Variants in OSBPL2 observed in about 807,000 individuals in gnomAD.
OSBPL2 encodes the protein oxysterol binding protein like 2.
Under a neutral mutation model 58.4 loss-of-function variants are expected in OSBPL2, and 18 were observed. The observed-to-expected ratio is 0.31, with a 90% CI of 0.21 to 0.46. The LOEUF is 0.46. Among genes scored for constraint, OSBPL2 ranks in the 20% least tolerant of loss-of-function variants. The pLI, the probability that OSBPL2 is intolerant of heterozygous loss-of-function variation, is 1.00. For synonymous variants in OSBPL2, 221 were observed against 234.1 expected (o/e 0.94, Z 0.51); for missense variants, 461 against 616.5 (o/e 0.75, Z 2.67).
At chr20:62,268,049 A>ATTTTTTTTTT (rs149417240) in intron 4 of OSBPL2, among the ~76,000 whole-genome samples, 672 of 115,664 alleles carry the variant, frequency 5.8e-3, no homozygotes, top group Non-Finnish European at 8.2e-3. Flanking sequence ...TGCCCGGCTA[A>ATTTTTTTTTT]TTTTTTTTTT....
At chr20:62,290,060 C>T (rs189302789) in intron 12 of OSBPL2, among the ~76,000 whole-genome samples, 2 of 152,282 alleles carry the variant, frequency 1.3e-5, no homozygotes, top group South Asian at 2.1e-4. Context: ...GTCACTGGCA[C>T]GTGTGTGGCG....
At chr20:62,267,775 A>G (rs1223430310) in intron 4 of OSBPL2, among the ~76,000 whole-genome samples, 3 of 152,226 alleles carry the variant, frequency 2.0e-5, no homozygotes, top group Admixed American at 2.0e-4. Context: ...TACCTGTGGG[A>G]CCAGCTCTGC....
chr20:62,247,767 C>G (rs974505067), intron 1 of OSBPL2, among the ~76,000 whole-genome samples: 2 of 151,494 alleles, frequency 1.3e-5, no homozygotes, highest in African/African-American at 4.9e-5. Context: ...CAGGTTCAAG[C>G]TATTCTCCTG....
intron 4 of OSBPL2, among the ~76,000 whole-genome samples, chr20:62,268,793 C>T (rs750536040): frequency 7.2e-5 from 11 of 152,134 alleles, no homozygotes; most frequent in Non-Finnish European, 1.5e-4. Flanking sequence ...GGCAGTGGCT[C>T]ACGCCTGTAA....
chr20:62,268,268 G>A (rs1366566431), intron 4 of OSBPL2, among the ~76,000 whole-genome samples: 1 of 151,800 alleles, frequency 6.6e-6, no homozygotes, highest in East Asian at 1.9e-4. Context: ...AATGACATAG[G>A]TTCATTTGTT....
rs1416372098 is a variant in OSBPL2 at position 62,294,691 on chromosome 20, C to G, written c.*804C>G. On this transcript the variant is annotated 3_prime_UTR_variant, in exon 14 of 14. Transcript: ENST00000313733. ...TGTTGTCAGTGAGGCCTGGCTGTCA[C>G]CGCACACCGCGTCCGTGTCTCCAGG... 1.3e-5 allele frequency: 2 copies of G among 152,276 alleles called. No homozygotes were observed. The highest frequency in any genetic ancestry group is 2.9e-5 in the Non-Finnish European group (2 of 68,054). 9.4% of individuals were successfully genotyped at this position (152,276 alleles called of 1,614,324 possible).
intron 1 of OSBPL2, among the ~76,000 whole-genome samples, chr20:62,248,008 G>A (rs1321582024): frequency 2.0e-5 from 3 of 151,974 alleles, no homozygotes; most frequent in Non-Finnish European, 4.4e-5. Context: ...GTTAATAGTG[G>A]GAACGTTTTC....
Position 62,294,020 on chromosome 20 carries a change from G to A in OSBPL2, c.*133G>A. 1 of 1,172,036 alleles carries A rather than the reference G, an allele frequency of 8.5e-7. No individual in the cohort carries two copies. Among genetic ancestry groups the A allele is most frequent in the South Asian group, 1.6e-5 (1 of 61,582 alleles). 72.6% of individuals were successfully genotyped at this position (1,172,036 alleles called of 1,614,324 possible). ...AGTTCGCGGAGATAGCATCATCCCT[G>A]ATCAAGGATGTAATTCTAATTAACT... On this transcript the variant is annotated 3_prime_UTR_variant, in exon 14 of 14. Coordinates refer to ENST00000313733, the MANE Select transcript of OSBPL2 (RefSeq NM_144498.4).
At position 62,291,752 on chromosome 20, in the gene OSBPL2, A is replaced by G. The variant is rs1983526169; in HGVS notation, c.1299A>G (p.Ala433=). 1 of 1,613,552 alleles carries G rather than the reference A, an allele frequency of 6.2e-7. No individual in the cohort carries two copies. The highest frequency in any genetic ancestry group is 1.3e-5 in the African/African-American group (1 of 75,056). The change falls in exon 13 of 14, where the codon GCA becomes GCG. Residue 433 remains alanine, a synonymous_variant. Coordinates refer to ENST00000313733, the MANE Select transcript of OSBPL2 (RefSeq NM_144498.4). ...KERLEEKQRE[A]RRERAKEEAE... ...GGCTGGAGGAGAAGCAGAGAGAAGC[A>G]CGGAGGGAGCGGGCCAAGGAGGAGG... is the stretch of plus-strand genomic sequence containing the variant.
intron 1 of OSBPL2, among the ~76,000 whole-genome samples, chr20:62,255,766 A>G (rs1980882081): frequency 6.6e-6 from 1 of 152,180 alleles, no homozygotes. Context: ...CAGCCTCCCA[A>G]AGTGCTGGGA....
chr20:62,266,628 G>A (rs907263245), intron 4 of OSBPL2, among the ~76,000 whole-genome samples: 35 of 152,104 alleles, frequency 2.3e-4, no homozygotes, highest in African/African-American at 8.5e-4. Flanking sequence ...TTCTGGATCT[G>A]CAGTGACGGG....
chr20:62,246,136 T>C (rs149509921), intron 1 of OSBPL2, among the ~76,000 whole-genome samples: 2,355 of 152,364 alleles, frequency 0.015, 30 homozygotes, highest in Non-Finnish European at 0.023. Flanking sequence ...CTCTCGCTGC[T>C]GCCGCCGCCT....
rs1983289823 is a variant in OSBPL2 at position 62,288,581 on chromosome 20, T to TGGGAGGCTGTGGGTGCAGAGGCC, written c.1126-624_1126-602dup. On this transcript the variant is annotated intron_variant, in intron 11 of 13. Coordinates refer to ENST00000313733, the MANE Select transcript of OSBPL2 (RefSeq NM_144498.4). This position sits in a 1 kb window ranked among gnomAD's most constrained non-coding sequence, Gnocchi z 4.8. ...GGCCGGAGGCTGTGGGTGCAGAGGCTGGGAGGCTGTGGGTGCAGAGGCCGA... is the reference window on the plus strand; with the variant it reads ...GGCCGGAGGCTGTGGGTGCAGAGGCTGGGAGGCTGTGGGTGCAGAGGCCGGGAGGCTGTGGGTGCAGAGGCCGA... 2.0e-5 allele frequency among the ~76,000 whole-genome samples: 3 copies of TGGGAGGCTGTGGGTGCAGAGGCC among 146,786 alleles called. No homozygotes were observed. Among genetic ancestry groups the TGGGAGGCTGTGGGTGCAGAGGCC allele is most frequent in the Admixed American group, 6.7e-5 (1 of 14,830 alleles).
Position 62,294,437 on chromosome 20 carries a change from ATTTT to A in OSBPL2, c.*553_*556del. On this transcript the variant is annotated 3_prime_UTR_variant, in exon 14 of 14. Transcript: ENST00000313733. ...TGAGTGAAAAGTTGTCAGATTCTGT[ATTTT>A]TTAACAATCTTCAATAATGTAAAGA... 6.5e-6 allele frequency: 1 copy of A among 153,732 alleles called. No homozygotes were observed. Among genetic ancestry groups the A allele is most frequent in the East Asian group, 1.9e-4 (1 of 5,198 alleles). The allele number at this position is 153,732 out of a possible 1,614,324, so 9.5% of individuals were successfully genotyped here. A position where few individuals can be genotyped will look rare whatever the true frequency, so the allele number is the denominator to read the frequency against.
chr20:62,293,157 C>G lies in OSBPL2; in HGVS notation c.1341-628C>G, dbSNP rs1047075788. Among the ~76,000 whole-genome samples the G allele has an allele frequency of 5.3e-5, 8 of 150,166 alleles. No homozygotes were observed. The East Asian group carries it at 1.7e-3, about 31-fold the overall frequency. ...GAATTACGGGCGTGAGCCACCGCGC[C>G]CGGCCTGTTCATTGTTTTTTTAAAG... On this transcript the variant is annotated intron_variant, in intron 13 of 13. Transcript: ENST00000313733.
chr20:62,273,943 G>A (rs1422293043), intron 6 of OSBPL2, among the ~76,000 whole-genome samples: 3 of 152,154 alleles, frequency 2.0e-5, no homozygotes, highest in Non-Finnish European at 2.9e-5. Flanking sequence ...ACCAGACCAC[G>A]CCTCATCTCC....
chr20:62,263,681 G>A lies in OSBPL2; in HGVS notation c.248G>A (p.Cys83Tyr). The A allele has an allele frequency of 6.2e-7, 1 of 1,614,110 alleles. No individual in the cohort carries two copies. The highest frequency in any genetic ancestry group is 8.5e-7 in the Non-Finnish European group (1 of 1,179,976). The change falls in exon 4 of 14, where the codon TGT becomes TAT. Residue 83 changes from cysteine (C) to tyrosine (Y), a missense_variant. Cys to Tyr is a radical substitution (Grantham distance 194). Around this residue, in one of 5 missense-constraint regions of OSBPL2, gnomAD observed 38 missense variants for 74.2 expected, o/e 0.51. Coordinates refer to ENST00000313733, the MANE Select transcript of OSBPL2 (RefSeq NM_144498.4). ...DFSVWTILKKCVGLELSKITM... is the reference protein window; with the variant it reads ...DFSVWTILKKYVGLELSKITM... ...AGCGTGTGGACCATCCTGAAGAAGT[G>A]TGTTGGCCTGGTGAGTCCGGGGGCC...
intron 1 of OSBPL2, chr20:62,255,339 T>C (rs1347890957): frequency 6.6e-6 from 1 of 151,904 alleles, no homozygotes; most frequent in African/African-American, 2.4e-5. Context: ...CCTCAAGGGA[T>C]CCACCTCAAG....
chr20:62,264,314 AG>A (rs1222706763), intron 4 of OSBPL2, among the ~76,000 whole-genome samples: 2 of 152,136 alleles, frequency 1.3e-5, no homozygotes, highest in African/African-American at 4.8e-5. Flanking sequence ...TCAGGTGCTC[AG>A]GGTTTGGGAC....
Sources: allele counts gnomAD v4.1 joint callset (sites outside exome capture counted in the v4.1 genomes callset), GRCh38; gene constraint gnomAD v4.1.1; regional missense constraint gnomAD v4.1.1; non-coding constraint Gnocchi (gnomAD v3.1); transcripts MANE v1.5; gene names NCBI Gene and HGNC (gene_info 2026-07-23, HGNC 2026-07-21).